The following CEP57L1 variants were observed in gnomAD, a reference collection of about 807,000 sequenced individuals.
CEP57L1 encodes centrosomal protein CEP57L1.
CEP57L1 carries 37 observed loss-of-function variants against 61.0 expected under a neutral mutation model. The observed-to-expected ratio is 0.61, with a 90% CI of 0.47 to 0.80. CEP57L1 has a LOEUF of 0.80. CEP57L1 is among the 30% of genes least tolerant of loss of function. CEP57L1 has a pLI of 0.00. For synonymous variants in CEP57L1, 137 were observed against 162.3 expected, an observed-to-expected ratio of 0.84 and a Z score of 1.19; for missense variants, 422 against 524.7, an observed-to-expected ratio of 0.80 and a Z score of 1.91.
chr6:109,104,257 C>T (rs1770658866), intron 1 of CEP57L1, among the ~76,000 whole-genome samples: 1 of 151,852 alleles, frequency 6.6e-6, no homozygotes, highest in Non-Finnish European at 1.5e-5. Flanking sequence ...TATAGTGTTT[C>T]ATTGTATGAA....
intron 4 of CEP57L1, among the ~76,000 whole-genome samples, chr6:109,152,631 G>A (rs1441305713): frequency 1.9e-5 from 2 of 107,224 alleles, no homozygotes; most frequent in Non-Finnish European, 3.7e-5. Flanking sequence ...ATATAGATGT[G>A]CGTGCGTGTG....
chr6:109,157,945 T>G (rs563762210), intron 7 of CEP57L1: 2 of 150,058 alleles, frequency 1.3e-5, no homozygotes, highest in African/African-American at 5.1e-5. Context: ...AAAAAACTCC[T>G]TCATGCAATC....
At chr6:109,136,482 T>A (rs1287147899) in intron 1 of CEP57L1, among the ~76,000 whole-genome samples, 3 of 151,012 alleles carry the variant, frequency 2.0e-5, no homozygotes, top group Admixed American at 6.6e-5. Flanking sequence ...AGTTAATGGG[T>A]GCAGCCCACG....
chr6:109,161,147 T>C (rs2114963055), intron 10 of CEP57L1, among the ~76,000 whole-genome samples: 1 of 152,262 alleles, frequency 6.6e-6, no homozygotes. Context: ...CCTTAAAGCA[T>C]GATTTCCCCT....
rs187541915 is a variant in CEP57L1, at chr6:109,168,872, A to G, written c.*5902A>G. Among the ~76,000 whole-genome samples, 1,129 of 150,758 alleles carry G rather than the reference A, an allele frequency of 7.5e-3. 18 individuals carry two copies. Among genetic ancestry groups the G allele is most frequent in the African/African-American group, 0.026 (1,084 of 41,048 alleles). On this transcript the variant is annotated 3_prime_UTR_variant, in exon 11 of 11. Transcript: ENST00000517392. ...CAGTGTCCCAAAGTGCTGGGATTAC[A>G]GGCGTGAGCCACCATGCCTGGCCAG...
chr6:109,134,684 C>G (rs1220984511), intron 1 of CEP57L1, among the ~76,000 whole-genome samples: 1 of 152,204 alleles, frequency 6.6e-6, no homozygotes, highest in Non-Finnish European at 1.5e-5. Flanking sequence ...AGCCCAAAAT[C>G]TCCTTAAGCT....
At position 109,167,370 on chromosome 6, in the gene CEP57L1, A is replaced by G. The variant is rs1342741139; in HGVS notation, c.*4400A>G. On this transcript the variant is annotated 3_prime_UTR_variant, in exon 11 of 11. Transcript: ENST00000517392. ...TAGGTTTATTGGGAGTGTTCTCCAT[A>G]TTGATATAGATGGATCCATTTCCCA... Among the ~76,000 whole-genome samples, 1 of 151,708 alleles carries G rather than the reference A, an allele frequency of 6.6e-6. No individual in the cohort carries two copies.
rs528024976 is a variant in CEP57L1 at position 109,127,491 on chromosome 6, T to G, written c.-3-17728T>G. Among the ~76,000 whole-genome samples, 5 of 152,318 alleles carry G rather than the reference T, an allele frequency of 3.3e-5. No individual in the cohort carries two copies. In the South Asian group the frequency reaches 1.0e-3, roughly 32 times the overall value. Reference sequence around the variant, plus strand: ...AAATACTTGTTCTCACTTTTACTCCTTTGTTACCACTTTCTCCTGCTTTTT... The same window carrying G: ...AAATACTTGTTCTCACTTTTACTCCGTTGTTACCACTTTCTCCTGCTTTTT... On this transcript the variant is annotated intron_variant, in intron 1 of 10. Transcript: ENST00000517392.
chr6:109,103,009 A>G (rs1331049224), intron 1 of CEP57L1, among the ~76,000 whole-genome samples: 1 of 152,180 alleles, frequency 6.6e-6, no homozygotes, highest in African/African-American at 2.4e-5. Context: ...ATTATTCTCC[A>G]ATTGAATTAC....
chr6:109,155,190 T>C, intron 5 of CEP57L1, 40 bp from the exon 6 acceptor site: 1 of 1,259,280 alleles, frequency 7.9e-7, no homozygotes, highest in Non-Finnish European at 1.1e-6. Flanking sequence ...TATTTGGCTC[T>C]AGTTTTTATG....
chr6:109,115,190 T>C (rs925250610), intron 1 of CEP57L1, among the ~76,000 whole-genome samples: 4 of 152,050 alleles, frequency 2.6e-5, no homozygotes, highest in Non-Finnish European at 5.9e-5. Flanking sequence ...TTAGGGGTAG[T>C]AGTGGATAAA....
rs1054032040 is a variant in CEP57L1 at position 109,171,433 on chromosome 6, C to T, written c.*8463C>T. 8.7e-5 allele frequency among the ~76,000 whole-genome samples: 13 copies of T among 149,872 alleles called. No homozygotes were observed. Among genetic ancestry groups the T allele is most frequent in the African/African-American group, 2.0e-4 (8 of 40,722 alleles). ...TTTTTTTTCGCATTTTTAATAGAAA[C>T]GGGGTTTCACCGTGTTAGCCAGGCT... On this transcript the variant is annotated 3_prime_UTR_variant, in exon 11 of 11. Coordinates refer to ENST00000517392, the MANE Select transcript of CEP57L1 (RefSeq NM_001271852.3).
intron 4 of CEP57L1, among the ~76,000 whole-genome samples, 199 bp from the exon 5 acceptor site, chr6:109,153,634 G>A (rs1029496005): frequency 6.6e-6 from 1 of 151,640 alleles, no homozygotes; most frequent in Admixed American, 6.6e-5. Context: ...TGACTTTAAG[G>A]TTGAAAAAAA....
chr6:109,149,103 T>G (rs904246890), intron 3 of CEP57L1, among the ~76,000 whole-genome samples: 13 of 152,238 alleles, frequency 8.5e-5, no homozygotes, highest in African/African-American at 2.2e-4. Flanking sequence ...TCTTTTGCTG[T>G]GCAGAAGCTC....
chr6:109,168,996 C>T lies in CEP57L1; in HGVS notation c.*6026C>T, dbSNP rs531647397. 5.6e-4 allele frequency among the ~76,000 whole-genome samples: 82 copies of T among 146,702 alleles called. No homozygotes were observed. In the South Asian group the frequency reaches 0.016, roughly 28 times the overall value. On this transcript the variant is annotated 3_prime_UTR_variant, in exon 11 of 11. Coordinates refer to ENST00000517392, the MANE Select transcript of CEP57L1 (RefSeq NM_001271852.3). ...ATCTTAACACTTTAGGAGGCCGAGG[C>T]GGGCAGATTGCCTGAGCTCAGGAGT...
At chr6:109,147,212 C>G (rs1223428182) in intron 3 of CEP57L1, among the ~76,000 whole-genome samples, 2 of 151,976 alleles carry the variant, frequency 1.3e-5, no homozygotes, top group Non-Finnish European at 2.9e-5. Context: ...AGAATATTTT[C>G]AGAATAGCCA....
intron 1 of CEP57L1, among the ~76,000 whole-genome samples, chr6:109,132,264 G>A (rs1302353097): frequency 2.6e-5 from 4 of 152,108 alleles, no homozygotes; most frequent in East Asian, 1.9e-4. Flanking sequence ...TAAGAAATGT[G>A]TTTAAAATTA....
chr6:109,132,634 T>C (rs576881142), intron 1 of CEP57L1, among the ~76,000 whole-genome samples: 7 of 152,244 alleles, frequency 4.6e-5, no homozygotes, highest in Admixed American at 3.9e-4. Flanking sequence ...AATATCTATC[T>C]GTATGTATAT....
intron 7 of CEP57L1, chr6:109,157,592 T>C (rs935931486): frequency 1.3e-5 from 2 of 152,272 alleles, no homozygotes; most frequent in African/African-American, 2.4e-5. Context: ...TGTTATAGTC[T>C]GAGGGAATTG....
Sources: allele counts gnomAD v4.1 joint callset (sites outside exome capture counted in the v4.1 genomes callset), GRCh38; gene constraint gnomAD v4.1.1; transcripts MANE v1.5; gene names NCBI Gene and HGNC (gene_info 2026-07-23, HGNC 2026-07-21).